LMF1: variants seen among roughly 807,000 people sequenced by gnomAD.
The protein encoded by LMF1 is transmembrane protein 112.
Under a neutral mutation model 60.6 loss-of-function variants are expected in LMF1, and 68 were observed. The observed-to-expected ratio is 1.12, with a 90% CI of 0.92 to 1.37. The LOEUF is 1.37. Ranked by LOEUF, LMF1 falls within the 40% of genes most tolerant of loss-of-function variation. The probability of loss-of-function intolerance (pLI) is 0.00; values close to 1 mark genes in which losing one functional copy is unlikely to be tolerated. For missense variants in LMF1, 948 were observed against 767.2 expected (o/e 1.24, Z -2.78); for synonymous variants, 418 against 324.7 (o/e 1.29, Z -3.09).
chr16:933,895 C>T, intron 3 of LMF1: 1 of 1,211,074 alleles, frequency 8.3e-7, no homozygotes, highest in Non-Finnish European at 1.1e-6. Context: ...CACCGTGAAC[C>T]TTCTCTATGC....
At chr16:934,882 GACCT>G (rs1410356958) in intron 2 of LMF1, among the ~76,000 whole-genome samples, 1 of 152,172 alleles carries the variant, frequency 6.6e-6, no homozygotes, top group Non-Finnish European at 1.5e-5. Flanking sequence ...CTCACAGCAA[GACCT>G]ACCCTTGGGC....
chr16:965,264 G>C (rs1407442382), intron 1 of LMF1, among the ~76,000 whole-genome samples: 2 of 151,940 alleles, frequency 1.3e-5, no homozygotes, highest in Admixed American at 1.3e-4. Context: ...TTCAGCCCAC[G>C]CTACGAAGCT....
intron 10 of LMF1, among the ~76,000 whole-genome samples, chr16:861,819 C>A (rs1311326288): frequency 3.3e-5 from 5 of 152,182 alleles, no homozygotes; most frequent in African/African-American, 1.2e-4. Context: ...CAGCACCATG[C>A]CGGATCCGAT....
At chr16:894,427 CCT>C (rs1161056222) in intron 4 of LMF1, among the ~76,000 whole-genome samples, 7 of 151,156 alleles carry the variant, frequency 4.6e-5, no homozygotes, top group African/African-American at 9.7e-5. Flanking sequence ...CGACTCATCC[CCT>C]GTCCACCTGG....
chr16:971,069 GC>G, upstream of LMF1: 1 of 1,303,644 alleles, frequency 7.7e-7, no homozygotes, highest in Non-Finnish European at 1.0e-6. Flanking sequence ...GGCCGGCCCT[GC>G]CCACGGCCGA....
At chr16:858,505 T>A (rs374587226) in intron 10 of LMF1, among the ~76,000 whole-genome samples, 1 of 24,330 alleles carries the variant, frequency 4.1e-5, no homozygotes, top group Non-Finnish European at 6.4e-5. Flanking sequence ...GCGTGGTGTC[T>A]CGGGACGGGT....
chr16:975,018 C>A (rs111696002), upstream of LMF1, among the ~76,000 whole-genome samples: 778 of 152,222 alleles, frequency 5.1e-3, 13 homozygotes, highest in African/African-American at 0.017. Context: ...AGCGGCCAAC[C>A]CCCCCACCCC....
intron 7 of LMF1, 95 bp from the exon 8 acceptor site, chr16:870,977 G>T (rs2069770758): frequency 6.8e-7 from 1 of 1,472,686 alleles, no homozygotes. Context: ...AGGGTCAGCT[G>T]TCCTGGGTCC....
At position 962,190 on chromosome 16, in the gene LMF1, G is replaced by A. The variant is rs1263978228; in HGVS notation, c.194-7524C>T. The stretch of plus-strand genomic sequence containing the variant: ...AGACACAGACTCACGGTGACAGCAC[G>A]GGATCACGACCCAGACACAGACTCA... On this transcript the variant is annotated intron_variant, in intron 1 of 10. Coordinates refer to ENST00000262301, the MANE Select transcript of LMF1 (RefSeq NM_022773.4). The surrounding 1 kb of genome is among the most constrained non-coding windows in gnomAD (Gnocchi z 4.5). 1.8e-4 allele frequency among the ~76,000 whole-genome samples: 16 copies of A among 90,580 alleles called. No individual in the cohort carries two copies. Among genetic ancestry groups the A allele is most frequent in the Non-Finnish European group, 2.9e-4 (14 of 47,696 alleles). The allele number at this position is 90,580 out of a possible 152,430, so 59.4% of individuals were successfully genotyped here.
rs373029060 is a variant in LMF1 at position 918,680 on chromosome 16, C to T, written c.515-7601G>A. ...GGGTCACGGGGTGTGCCTCAAGGGC[C>T]CCGGCCCTTCAGGCCTTGAGGCACT... On this transcript the variant is annotated intron_variant, in intron 3 of 10. Coordinates refer to ENST00000262301, the MANE Select transcript of LMF1 (RefSeq NM_022773.4). Among the ~76,000 whole-genome samples, 861 of 151,678 alleles carry T rather than the reference C, an allele frequency of 5.7e-3. 10 individuals are homozygous for T. The highest frequency in any genetic ancestry group is 0.02 in the African/African-American group (824 of 41,206).
intron 10 of LMF1, among the ~76,000 whole-genome samples, chr16:857,484 CACCGGACGGGTGTG>C: frequency 9.6e-6 from 1 of 103,838 alleles, no homozygotes; most frequent in African/African-American, 4.2e-5. Context: ...TGAGTGGTGT[CACCGGACGGGTGTG>C]AGTGGTGTCT....
intron 2 of LMF1, among the ~76,000 whole-genome samples, chr16:950,437 A>ACGACAGAGTCAGC (rs2072417012): frequency 1.2e-5 from 1 of 81,182 alleles, no homozygotes; most frequent in Non-Finnish European, 2.3e-5. Context: ...AGAGTTAGAG[A>ACGACAGAGTCAGC]CAACGACAGA....
At position 867,831 on chromosome 16, in the gene LMF1, G is replaced by A. The variant is rs763821872; in HGVS notation, c.1529+1113C>T. On this transcript the variant is annotated intron_variant, in intron 10 of 10. Transcript: ENST00000262301. ...GCAGCCCTGGAAGCATCGCTTGGCC[G>A]GGAGCACCTGCCTGGGCTGCCAGAC... Among the ~76,000 whole-genome samples the A allele has an allele frequency of 9.6e-4, 146 of 152,112 alleles. 1 individual carries two copies. The highest frequency in any genetic ancestry group is 9.4e-3 in the Admixed American group (143 of 15,278).
intron 2 of LMF1, among the ~76,000 whole-genome samples, chr16:944,176 G>T (rs1370992870): frequency 6.6e-6 from 1 of 152,036 alleles, no homozygotes; most frequent in African/African-American, 2.4e-5. Flanking sequence ...CCGGCTGATG[G>T]GGAGGCTTGT....
intron 1 of LMF1, among the ~76,000 whole-genome samples, chr16:977,729 G>A (rs1327110466): frequency 3.3e-5 from 5 of 152,012 alleles, no homozygotes; most frequent in African/African-American, 7.3e-5. Context: ...AGGGGCACAG[G>A]GAAGGACGGA....
At chr16:909,008 C>A (rs1025722538) in intron 4 of LMF1, among the ~76,000 whole-genome samples, 1 of 152,142 alleles carries the variant, frequency 6.6e-6, no homozygotes, top group Admixed American at 6.5e-5. Flanking sequence ...TGTTGAGGTC[C>A]CTCTCTGTGG....
chr16:907,931 C>T (rs964268224), intron 4 of LMF1, among the ~76,000 whole-genome samples: 1 of 152,224 alleles, frequency 6.6e-6, no homozygotes, highest in Non-Finnish European at 1.5e-5. Flanking sequence ...CAGATGAGTC[C>T]CTGCATCCAC....
chr16:975,841 G>C (rs554922173), upstream of LMF1: 1 of 454,158 alleles, frequency 2.2e-6, no homozygotes, highest in Non-Finnish European at 4.4e-6. Flanking sequence ...GGGGAGGTCA[G>C]GGCCTGGGCG....
chr16:904,872 G>C (rs12920310), intron 4 of LMF1: 6,123 of 58,988 alleles, frequency 0.1, 570 homozygotes, highest in African/African-American at 0.26. Flanking sequence ...TGTGGGGACG[G>C]CCGTCTCTGC....
Sources: allele counts gnomAD v4.1 joint callset (sites outside exome capture counted in the v4.1 genomes callset), GRCh38; gene constraint gnomAD v4.1.1; non-coding constraint Gnocchi (gnomAD v3.1); transcripts MANE v1.5; gene names NCBI Gene and HGNC (gene_info 2026-07-23, HGNC 2026-07-21).